The following NTM variants were observed in gnomAD, a reference collection of about 807,000 sequenced individuals.
NTM encodes the protein neurotrimin.
In NTM, 13 loss-of-function variants were observed where a neutral mutation model predicts 42.1. The ratio of observed to expected loss-of-function variants is 0.31; its 90% CI spans 0.20 to 0.49. NTM has a LOEUF of 0.49. Ranked by LOEUF, NTM falls within the 20% of genes least tolerant of loss-of-function variation. NTM has a pLI of 0.99. For synonymous variants in NTM, 187 were observed against 179.2 expected (o/e 1.04, Z -0.35); for missense variants, 373 against 452.8 (o/e 0.82, Z 1.60).
rs1452695035 is a variant in NTM at position 131,914,574 on chromosome 11, C to A, written c.167+2926C>A. Reference sequence around the variant, plus strand: ...CAGTCCCTAAAGAATAAATGCTCAGCAGAAGATTCTAATTTGAGGAAACTT... The same window carrying A: ...CAGTCCCTAAAGAATAAATGCTCAGAAGAAGATTCTAATTTGAGGAAACTT... On this transcript the variant is annotated intron_variant, in intron 2 of 8. Transcript: ENST00000683400. 2.0e-5 allele frequency among the ~76,000 whole-genome samples: 3 copies of A among 152,314 alleles called. No homozygotes were observed. The East Asian group carries it at 5.8e-4, about 29-fold the overall frequency.
intron 2 of NTM, among the ~76,000 whole-genome samples, chr11:131,954,902 A>G (rs192900274): frequency 1.1e-4 from 16 of 152,296 alleles, no homozygotes; most frequent in Middle Eastern, 3.4e-3. Context: ...GTTATATTTT[A>G]TTGCTACACA....
At chr11:132,105,594 G>A (rs868841759) in intron 2 of NTM, among the ~76,000 whole-genome samples, 1 of 152,278 alleles carries the variant, frequency 6.6e-6, no homozygotes, top group Middle Eastern at 3.4e-3. Flanking sequence ...GCAGGCAGCA[G>A]AGAAGCGTTG....
rs1166864848 is a variant in NTM, at chr11:131,395,909, G to C, written c.82+25021G>C. On this transcript the variant is annotated intron_variant, in intron 1 of 8. Transcript: ENST00000683400. The stretch of plus-strand genomic sequence containing the variant: ...TGGCTTAAAGTTCTGGGCAAATAAA[G>C]ATATTTGAATACCTTTGGCCTCCCA... Among the ~76,000 whole-genome samples the C allele has an allele frequency of 5.9e-5, 9 of 152,278 alleles. No homozygotes were observed. In the East Asian group the frequency reaches 1.5e-3, roughly 26 times the overall value.
intron 1 of NTM, among the ~76,000 whole-genome samples, chr11:131,588,778 T>C (rs951279642): frequency 6.6e-6 from 1 of 152,242 alleles, no homozygotes; most frequent in Non-Finnish European, 1.5e-5. Context: ...CATCTGCTTA[T>C]GAAGACATTA....
At chr11:132,185,572 T>C (rs1464538305) in intron 3 of NTM, among the ~76,000 whole-genome samples, 1 of 152,186 alleles carries the variant, frequency 6.6e-6, no homozygotes, top group African/African-American at 2.4e-5. Flanking sequence ...GCTACATAAA[T>C]GGGTCGTGGT....
chr11:131,468,457 C>T (rs1952102749), intron 1 of NTM, among the ~76,000 whole-genome samples: 1 of 152,332 alleles, frequency 6.6e-6, no homozygotes, highest in Admixed American at 6.5e-5. Context: ...TTTATCAATT[C>T]CCTTACCTCC....
chr11:131,716,185 C>T lies in NTM; in HGVS notation c.83-195379C>T, dbSNP rs553857123. Among the ~76,000 whole-genome samples, 5 of 152,260 alleles carry T rather than the reference C, an allele frequency of 3.3e-5. No homozygotes were observed. In the South Asian group the frequency reaches 1.0e-3, roughly 32 times the overall value. ...CATGGTGGAAGGGGACGAACAAGTT[C>T]GCCTGGGCCTTTTTTATAAGAGCAC... On this transcript the variant is annotated intron_variant, in intron 1 of 8. Transcript: ENST00000683400.
chr11:132,244,250 G>A (rs1450475555), intron 4 of NTM, among the ~76,000 whole-genome samples: 1 of 152,200 alleles, frequency 6.6e-6, no homozygotes, highest in East Asian at 1.9e-4. Context: ...CCACATATGT[G>A]TGCTCATCCT....
Position 131,605,734 on chromosome 11 carries a change from G to A in NTM, c.82+234846G>A, listed in dbSNP as rs946678717. ...TCTTTCTATTCCTAGCTTGTTGAGT[G>A]TTTGTATCATTTAAAGTTTGAAAAA... On this transcript the variant is annotated intron_variant, in intron 1 of 8. Transcript: ENST00000683400. 25 of 943,858 alleles carry A rather than the reference G, an allele frequency of 2.6e-5. No homozygotes were observed. The African/African-American group carries it at 4.3e-4, about 16-fold the overall frequency. The allele number at this position is 943,858 out of a possible 1,614,324, so 58.5% of individuals were successfully genotyped here.
At chr11:132,069,235 G>C (rs1187806086) in intron 2 of NTM, among the ~76,000 whole-genome samples, 1 of 149,684 alleles carries the variant, frequency 6.7e-6, no homozygotes, top group African/African-American at 2.5e-5. Flanking sequence ...ACGTCACTCA[G>C]CCAAGTTAAC....
chr11:132,214,442 C>T (rs2083445515), intron 4 of NTM, among the ~76,000 whole-genome samples: 1 of 152,094 alleles, frequency 6.6e-6, no homozygotes, highest in Admixed American at 6.5e-5. Context: ...CTGGGTGTTT[C>T]TTCCCCCACT....
At chr11:131,992,393 G>T (rs2067186599) in intron 2 of NTM, among the ~76,000 whole-genome samples, 1 of 151,936 alleles carries the variant, frequency 6.6e-6, no homozygotes. Context: ...TTTTGGGGGA[G>T]TCAGAGTCCT....
intron 1 of NTM, among the ~76,000 whole-genome samples, chr11:131,605,418 T>C (rs965077420): frequency 6.6e-6 from 1 of 152,254 alleles, no homozygotes; most frequent in African/African-American, 2.4e-5. Flanking sequence ...CCCGCACATT[T>C]ACTGAATGTA....
intron 6 of NTM, among the ~76,000 whole-genome samples, chr11:132,313,779 T>C (rs1440755017): frequency 6.6e-6 from 1 of 152,086 alleles, no homozygotes; most frequent in Admixed American, 6.6e-5. Flanking sequence ...CCCAACTAAC[T>C]AACTCCCTGT....
chr11:132,131,777 G>C (rs1395554882), intron 2 of NTM, among the ~76,000 whole-genome samples: 4 of 152,190 alleles, frequency 2.6e-5, no homozygotes, highest in Admixed American at 2.0e-4. Flanking sequence ...GCGGCAAAAA[G>C]AGTGACTGGA....
intron 2 of NTM, among the ~76,000 whole-genome samples, chr11:131,942,847 G>A (rs1325807154): frequency 6.6e-6 from 1 of 151,952 alleles, no homozygotes; most frequent in East Asian, 1.9e-4. Context: ...TCGGGAGGCT[G>A]AGGCAGGAGA....
In NTM at chr11:132,252,072, C is replaced by G. The variant is rs147409599; in HGVS notation, c.526+39925C>G. 3.9e-5 allele frequency among the ~76,000 whole-genome samples: 6 copies of G among 152,304 alleles called. No homozygotes were observed. The East Asian group carries it at 1.2e-3, about 29-fold the overall frequency. On this transcript the variant is annotated intron_variant, in intron 4 of 8. Transcript: ENST00000683400. ...AGCAGGTTTGTCCTTGGAGCACTCC[C>G]TGCCATAAGCCCCTCAGCCTCCCTC... is the stretch of plus-strand genomic sequence containing the variant.
intron 4 of NTM, among the ~76,000 whole-genome samples, chr11:132,305,441 A>ATAAAT (rs1196904119): frequency 1.3e-5 from 2 of 152,366 alleles, no homozygotes; most frequent in East Asian, 3.9e-4. Context: ...CTGTTAATTT[A>ATAAAT]TAAATTACAC....
intron 7 of NTM, chr11:132,317,755 T>TG: frequency 1.1e-6 from 1 of 940,292 alleles, no homozygotes. Flanking sequence ...CCCCTTCCCC[T>TG]GCTGTGCATT....
Sources: gnomAD v4.1 joint callset for allele counts (sites outside exome capture counted in the v4.1 genomes callset) on GRCh38, gnomAD v4.1.1 for gene constraint, MANE v1.5 for transcripts, NCBI Gene and HGNC (gene_info 2026-07-23, HGNC 2026-07-21) for gene names.